YIPF4: variants seen among roughly 807,000 people sequenced by gnomAD.
The protein encoded by YIPF4 is protein YIPF4.
Under a neutral mutation model 29.4 loss-of-function variants are expected in YIPF4, and 18 were observed. That is an observed-to-expected ratio of 0.61 (90% CI 0.42 to 0.91). YIPF4 has a LOEUF of 0.91. YIPF4 is among the 40% of genes least tolerant of loss of function. The pLI, the probability that YIPF4 is intolerant of heterozygous loss-of-function variation, is 0.00. For missense variants in YIPF4, 279 were observed against 282.7 expected, an observed-to-expected ratio of 0.99 and a Z score of 0.09; for synonymous variants, 115 against 104.7, an observed-to-expected ratio of 1.10 and a Z score of -0.60.
At position 32,308,213 on chromosome 2, in the gene YIPF4, C is replaced by T. The variant is rs567272673; in HGVS notation, c.*2587C>T. On this transcript the variant is annotated 3_prime_UTR_variant, in exon 6 of 6. Coordinates refer to ENST00000238831, the MANE Select transcript of YIPF4 (RefSeq NM_032312.4). Reference sequence around the variant, plus strand: ...CAAGCTCTGCCTCCCGGGTTTGCACCATTCTTCTGCCTCAGCCTCACGAGT... The same window carrying T: ...CAAGCTCTGCCTCCCGGGTTTGCACTATTCTTCTGCCTCAGCCTCACGAGT... 9.9e-5 allele frequency: 15 copies of T among 152,066 alleles called. No homozygotes were observed. Among genetic ancestry groups the T allele is most frequent in the African/African-American group, 3.6e-4 (15 of 41,524 alleles). 9.4% of individuals were successfully genotyped at this position (152,066 alleles called of 1,614,324 possible).
chr2:32,301,278 C>T (rs1027274674), intron 4 of YIPF4, 104 bp from the exon 5 acceptor site: 8 of 693,524 alleles, frequency 1.2e-5, no homozygotes, highest in African/African-American at 1.1e-4. Context: ...CTTCTTAATG[C>T]TCACATTTAT....
In YIPF4 at chr2:32,315,578, T is replaced by G. The variant is rs1321723336; in HGVS notation, c.*9952T>G. 5.3e-5 allele frequency: 8 copies of G among 151,740 alleles called. No homozygotes were observed. The highest frequency in any genetic ancestry group is 5.3e-4 in the Admixed American group (8 of 15,198). The allele number at this position is 151,740 out of a possible 1,614,324, so 9.4% of individuals were successfully genotyped here. A position where few individuals can be genotyped will look rare whatever the true frequency, so the allele number is the denominator to read the frequency against. On this transcript the variant is annotated 3_prime_UTR_variant, in exon 6 of 6. Coordinates refer to ENST00000238831, the MANE Select transcript of YIPF4 (RefSeq NM_032312.4). ...TCCTGGTTAACGTGGTGAAACCCCG[T>G]CTCTACTAAACATATAAAAAATTAG...
chr2:32,281,912 A>G (rs1411400485), intron 1 of YIPF4, among the ~76,000 whole-genome samples: 1 of 147,674 alleles, frequency 6.8e-6, no homozygotes, highest in South Asian at 2.1e-4. Context: ...AAAAAAAAAA[A>G]AAAGGCAACC....
Position 32,292,303 on chromosome 2 carries a change from T to A in YIPF4, c.360T>A (p.Ala120=). ...ATCCTGACTTTTGGGGTCCTCTGGCTGTTGTTCTTTTCTTTTCCATGATAT... is the reference window on the plus strand; with the variant it reads ...ATCCTGACTTTTGGGGTCCTCTGGCAGTTGTTCTTTTCTTTTCCATGATAT... The part of the protein sequence containing the change: ...RDNPDFWGPL[A]VVLFFSMISL... The change falls in exon 3 of 6, where the codon GCT becomes GCA. Residue 120 remains alanine (A), a synonymous_variant. Coordinates refer to ENST00000238831, the MANE Select transcript of YIPF4 (RefSeq NM_032312.4). The A allele has an allele frequency of 6.2e-7, 1 of 1,602,844 alleles. No individual in the cohort carries two copies. The highest frequency in any genetic ancestry group is 8.5e-7 in the Non-Finnish European group (1 of 1,174,464).
chr2:32,293,851 C>G (rs1350735609), intron 3 of YIPF4, among the ~76,000 whole-genome samples: 1 of 146,560 alleles, frequency 6.8e-6, no homozygotes, highest in Non-Finnish European at 1.5e-5. Flanking sequence ...GGCTGACCCC[C>G]CCACCTCCCT....
At chr2:32,281,220 T>A (rs976680482) in intron 1 of YIPF4, among the ~76,000 whole-genome samples, 1 of 151,884 alleles carries the variant, frequency 6.6e-6, no homozygotes, top group African/African-American at 2.4e-5. Context: ...GTATTTTAAG[T>A]ATACTACTCA....
intron 1 of YIPF4, among the ~76,000 whole-genome samples, chr2:32,287,061 A>G (rs1020594948): frequency 9.2e-5 from 14 of 152,080 alleles, no homozygotes; most frequent in African/African-American, 2.7e-4. Flanking sequence ...ACTGGCCAAC[A>G]TGTTGAAACC....
At chr2:32,300,396 T>G (rs1021152019) in intron 4 of YIPF4, among the ~76,000 whole-genome samples, 10 of 147,250 alleles carry the variant, frequency 6.8e-5, no homozygotes, top group African/African-American at 2.5e-4. Flanking sequence ...ATCGCGCCAC[T>G]GCACTCCAGT....
Position 32,307,024 on chromosome 2 carries a change from T to G in YIPF4, c.*1398T>G, listed in dbSNP as rs990715196. ...AAAAGGAAAGAAAGAAAAACTTATT[T>G]TAAGCTGCAGAAAAAGTGTGGAGCA... is the stretch of plus-strand genomic sequence containing the variant. On this transcript the variant is annotated 3_prime_UTR_variant, in exon 6 of 6. Coordinates refer to ENST00000238831, the MANE Select transcript of YIPF4 (RefSeq NM_032312.4). The G allele has an allele frequency of 6.8e-5, 66 of 967,684 alleles. No homozygotes were observed. The highest frequency in any genetic ancestry group is 7.9e-5 in the Non-Finnish European group (57 of 721,078). 59.9% of individuals were successfully genotyped at this position (967,684 alleles called of 1,614,324 possible). A position where few individuals can be genotyped will look rare whatever the true frequency, so the allele number is the denominator to read the frequency against.
rs1164855504 is a variant in YIPF4, at chr2:32,315,829, G to A, written c.*10203G>A. On this transcript the variant is annotated 3_prime_UTR_variant, in exon 6 of 6. Transcript: ENST00000238831. The stretch of plus-strand genomic sequence containing the variant: ...CTTGTATCAAATATTTTAAAAACTG[G>A]AATAAGCTTTTCATATAATCTTTGA... 6.6e-6 allele frequency: 1 copy of A among 151,854 alleles called. No homozygotes were observed. The highest frequency in any genetic ancestry group is 2.4e-5 in the African/African-American group (1 of 41,368). The allele number at this position is 151,854 out of a possible 1,614,324, so 9.4% of individuals were successfully genotyped here.
intron 1 of YIPF4, among the ~76,000 whole-genome samples, chr2:32,283,087 A>AG (rs2030504617): frequency 1.3e-5 from 2 of 152,058 alleles, no homozygotes; most frequent in Non-Finnish European, 2.9e-5. Context: ...AAAAAAAAAA[A>AG]AAAAAGGAAT....
intron 4 of YIPF4, among the ~76,000 whole-genome samples, chr2:32,298,639 C>A (rs1325394952): frequency 6.6e-6 from 1 of 152,066 alleles, no homozygotes; most frequent in African/African-American, 2.4e-5. Flanking sequence ...CGGCTCATTG[C>A]AGCCTCCGCC....
Position 32,294,112 on chromosome 2 carries a change from C to T in YIPF4, c.405+1764C>T, listed in dbSNP as rs1332151066. 1.5e-4 allele frequency among the ~76,000 whole-genome samples: 22 copies of T among 146,700 alleles called. No individual in the cohort carries two copies. In the East Asian group the frequency reaches 2.5e-3, roughly 17 times the overall value. ...CTCCCGGACAGGGTGGCTGGCCAGG[C>T]GGGACGCTGACCCCCCCACTTCCCT... is the stretch of plus-strand genomic sequence containing the variant. On this transcript the variant is annotated intron_variant, in intron 3 of 5. Coordinates refer to ENST00000238831, the MANE Select transcript of YIPF4 (RefSeq NM_032312.4).
chr2:32,292,394 TC>T (rs2030956621), intron 3 of YIPF4, 46 bp downstream of exon 3: 4 of 1,343,002 alleles, frequency 3.0e-6, no homozygotes, highest in Non-Finnish European at 3.9e-6. Context: ...TTTGAGAGTT[TC>T]AAAAATTAAA....
rs1328570832 is a variant in YIPF4, at chr2:32,277,978, G to A, written c.-178G>A. On this transcript the variant is annotated 5_prime_UTR_variant, in exon 1 of 6. Coordinates refer to ENST00000238831, the MANE Select transcript of YIPF4 (RefSeq NM_032312.4). ...TCGCCACCAAGAAGACTTTGGTGGG[G>A]TAGTCTCGGGGCAGCTCAGCGGCCC... is the stretch of plus-strand genomic sequence containing the variant. 1.8e-6 allele frequency: 1 copy of A among 553,902 alleles called. No individual in the cohort carries two copies. The highest frequency in any genetic ancestry group is 2.0e-5 in the African/African-American group (1 of 49,324). The allele number at this position is 553,902 out of a possible 1,614,324, so 34.3% of individuals were successfully genotyped here.
chr2:32,294,516 G>A (rs1211070580), intron 3 of YIPF4, among the ~76,000 whole-genome samples: 6 of 151,772 alleles, frequency 4.0e-5, no homozygotes, highest in African/African-American at 9.7e-5. Context: ...GATGGCGGCC[G>A]GGAAGAGGGG....
intron 1 of YIPF4, among the ~76,000 whole-genome samples, chr2:32,288,477 C>G (rs532035933): frequency 6.6e-6 from 1 of 152,258 alleles, no homozygotes; most frequent in East Asian, 1.9e-4. Context: ...CACTGCTGTA[C>G]TAATGATTTC....
In YIPF4 at chr2:32,307,626, G is replaced by A. The variant is rs2031620971; in HGVS notation, c.*2000G>A. ...GCAAAGTAGTTAGAACAGATTGTCA[G>A]TTTAAAAACAGGATTTGTAGGCCAG... is the stretch of plus-strand genomic sequence containing the variant. On this transcript the variant is annotated 3_prime_UTR_variant, in exon 6 of 6. Transcript: ENST00000238831. 6.6e-6 allele frequency: 1 copy of A among 152,298 alleles called. No individual in the cohort carries two copies. The highest frequency in any genetic ancestry group is 2.4e-5 in the African/African-American group (1 of 41,414). 9.4% of individuals were successfully genotyped at this position (152,298 alleles called of 1,614,324 possible). A position where few individuals can be genotyped will look rare whatever the true frequency, so the allele number is the denominator to read the frequency against.
At position 32,307,009 on chromosome 2, in the gene YIPF4, A is replaced by C. The variant is rs899542586; in HGVS notation, c.*1383A>C. The C allele has an allele frequency of 1.7e-5, 14 of 820,454 alleles. No individual in the cohort carries two copies. The highest frequency in any genetic ancestry group is 2.0e-5 in the Non-Finnish European group (12 of 592,526). The allele number at this position is 820,454 out of a possible 1,614,324, so 50.8% of individuals were successfully genotyped here. A position where few individuals can be genotyped will look rare whatever the true frequency, so the allele number is the denominator to read the frequency against. On this transcript the variant is annotated 3_prime_UTR_variant, in exon 6 of 6. Transcript: ENST00000238831. The stretch of plus-strand genomic sequence containing the variant: ...CTTTCCCCTAATCCCAAAAGGAAAG[A>C]AAGAAAAACTTATTTTAAGCTGCAG...
Sources: allele counts gnomAD v4.1 joint callset (sites outside exome capture counted in the v4.1 genomes callset), GRCh38; gene constraint gnomAD v4.1.1; transcripts MANE v1.5; gene names NCBI Gene and HGNC (gene_info 2026-07-23, HGNC 2026-07-21).